ESD: variants seen among roughly 807,000 people sequenced by gnomAD.
The protein encoded by ESD is S-formylglutathione hydrolase.
A neutral mutation model predicts 38.1 loss-of-function variants in ESD; 34 were observed. That is an observed-to-expected ratio of 0.89 (90% CI 0.68 to 1.19). The LOEUF is 1.19. Ranked by LOEUF, ESD falls within the 50% of genes most tolerant of loss-of-function variation. The probability of loss-of-function intolerance (pLI) is 0.00; values close to 1 mark genes in which losing one functional copy is unlikely to be tolerated. For missense variants in ESD, 334 were observed against 327.2 expected (o/e 1.02, Z -0.16); for synonymous variants, 97 against 107.0 (o/e 0.91, Z 0.58).
At chr13:46,773,535 AAATAAAAATAGAGCT>A (rs1055923520) in intron 9 of ESD, among the ~76,000 whole-genome samples, 1 of 152,248 alleles carries the variant, frequency 6.6e-6, no homozygotes, top group Admixed American at 6.5e-5. Flanking sequence ...AGCACCTAAG[AAATAAAAATAGAGCT>A]AATAAAAATA....
At chr13:46,782,180 T>G (rs1267862238) in intron 6 of ESD, among the ~76,000 whole-genome samples, 1 of 151,096 alleles carries the variant, frequency 6.6e-6, no homozygotes, top group Non-Finnish European at 1.5e-5. Context: ...TACCAAAACA[T>G]AAGTGTTTTG....
At chr13:46,782,943 A>G in intron 5 of ESD, 152 bp from the exon 6 acceptor site, 1 of 964,432 alleles carries the variant, frequency 1.0e-6, no homozygotes, top group Non-Finnish European at 1.5e-6. Flanking sequence ...TGATAGGATT[A>G]TACTTCCTGC....
chr13:46,794,244 T>C (rs1410415260), intron 1 of ESD, among the ~76,000 whole-genome samples: 3 of 152,202 alleles, frequency 2.0e-5, no homozygotes, highest in Non-Finnish European at 4.4e-5. Flanking sequence ...TCCCAAATGT[T>C]AGTGAACATC....
At chr13:46,787,273 T>C (rs915533217) in intron 3 of ESD, among the ~76,000 whole-genome samples, 164 bp from the exon 4 acceptor site, 11 of 151,984 alleles carry the variant, frequency 7.2e-5, no homozygotes, top group African/African-American at 1.2e-4. Context: ...ACGAATATAC[T>C]TGTCCCTTAA....
chr13:46,775,369 G>A (rs1874756125), intron 9 of ESD: 1 of 199,656 alleles, frequency 5.0e-6, no homozygotes, highest in Admixed American at 5.5e-5. Flanking sequence ...ATGAAGTTGA[G>A]TAAATCATGT....
Position 46,787,022 on chromosome 13 carries a change from T to C in ESD, c.156A>G (p.Ser52=), listed in dbSNP as rs1482096217. Residue 52 remains serine, a splice_region_variant and synonymous_variant, in exon 4 of 10, where the codon TCA becomes TCG. Transcript: ENST00000378720. ...TGKCPALYWL[S]GLTCTEQNFI... Reference sequence around the variant, plus strand: ...AAAACTCAAATGCATAATACTTACCTGAGAGCCAATACAGTGCAGGGCACT... The same window carrying C: ...AAAACTCAAATGCATAATACTTACCCGAGAGCCAATACAGTGCAGGGCACT... 5 of 1,500,152 alleles carry C rather than the reference T, an allele frequency of 3.3e-6. No individual in the cohort carries two copies. The highest frequency in any genetic ancestry group is 4.5e-6 in the Non-Finnish European group (5 of 1,112,920). The allele number at this position is 1,500,152 out of a possible 1,614,324, so 92.9% of individuals were successfully genotyped here. A position where few individuals can be genotyped will look rare whatever the true frequency, so the allele number is the denominator to read the frequency against.
chr13:46,797,242 G>A (rs1875624733), upstream of ESD: 1 of 152,398 alleles, frequency 6.6e-6, no homozygotes, highest in Non-Finnish European at 1.5e-5. Flanking sequence ...TTAACTCCGA[G>A]AACCCGCTCT....
intron 9 of ESD, among the ~76,000 whole-genome samples, chr13:46,773,059 G>A (rs1874667836): frequency 6.6e-6 from 1 of 152,092 alleles, no homozygotes; most frequent in South Asian, 2.1e-4. Context: ...CCCTGCAAAG[G>A]ACATGATCTC....
chr13:46,772,895 A>C (rs533550319), intron 9 of ESD, among the ~76,000 whole-genome samples: 2 of 152,184 alleles, frequency 1.3e-5, no homozygotes, highest in Non-Finnish European at 2.9e-5. Flanking sequence ...CATGTTAGCC[A>C]GGATGGTCTC....
chr13:46,794,096 T>G (rs951723263), intron 1 of ESD, among the ~76,000 whole-genome samples: 1 of 151,708 alleles, frequency 6.6e-6, no homozygotes, highest in African/African-American at 2.4e-5. Context: ...GTGGGAGAAA[T>G]AGGGTGACAG....
chr13:46,791,464 ACTG>A, intron 2 of ESD, 44 bp from the exon 3 acceptor site: 1 of 1,453,550 alleles, frequency 6.9e-7, no homozygotes, highest in East Asian at 2.3e-5. Flanking sequence ...AGAATTAGTT[ACTG>A]AAAAACTTGA....
intron 9 of ESD, 57 bp from the exon 10 acceptor site, chr13:46,771,553 G>A: frequency 9.1e-7 from 1 of 1,103,020 alleles, no homozygotes; most frequent in East Asian, 2.4e-5. Context: ...ATCAGTATTA[G>A]GAACATTAAA....
chr13:46,788,686 A>C (rs937021381), intron 3 of ESD, among the ~76,000 whole-genome samples: 1 of 151,776 alleles, frequency 6.6e-6, no homozygotes, highest in Non-Finnish European at 1.5e-5. Context: ...AAAAAAAAAA[A>C]AAAAACACAA....
Position 46,786,633 on chromosome 13 carries a change from T to A in ESD, c.157+388A>T, listed in dbSNP as rs1593409159. Among the ~76,000 whole-genome samples the A allele has an allele frequency of 3.3e-5, 5 of 152,124 alleles. No homozygotes were observed. In the South Asian group the frequency reaches 1.0e-3, roughly 32 times the overall value. On this transcript the variant is annotated intron_variant, in intron 4 of 9. Transcript: ENST00000378720. ...GAACACTGTAAGTTATTTGACTTTT[T>A]ACAATAGCTGGTTTCTAATTAGAGT...
chr13:46,778,304 C>T (rs946647788), intron 8 of ESD, among the ~76,000 whole-genome samples: 1 of 151,800 alleles, frequency 6.6e-6, no homozygotes, highest in African/African-American at 2.4e-5. Context: ...CAACTTTATA[C>T]ATTGACCAAG....
rs1052195685 is a variant in ESD, at chr13:46,785,143, G to A, written c.158-793C>T. Among the ~76,000 whole-genome samples the A allele has an allele frequency of 5.4e-4, 82 of 151,854 alleles. 1 individual carries two copies. Among genetic ancestry groups the A allele is most frequent in the Non-Finnish European group, 1.0e-4 (7 of 67,896 alleles). The stretch of plus-strand genomic sequence containing the variant: ...TATGCCATCCTTAAATTGAGTTTTA[G>A]CCTCAGTTTTTAGAAGTTTCTGTTA... On this transcript the variant is annotated intron_variant, in intron 4 of 9. Coordinates refer to ENST00000378720, the MANE Select transcript of ESD (RefSeq NM_001984.2).
chr13:46,774,619 C>A (rs770023443), intron 9 of ESD, among the ~76,000 whole-genome samples: 4 of 152,156 alleles, frequency 2.6e-5, no homozygotes, highest in Non-Finnish European at 5.9e-5. Context: ...GAACACCTTT[C>A]ATTCTTTCAT....
At chr13:46,781,461 G>T in intron 7 of ESD, 35 bp downstream of exon 7, 1 of 1,529,806 alleles carries the variant, frequency 6.5e-7, no homozygotes, top group Non-Finnish European at 8.9e-7. Context: ...TTATTCAAGA[G>T]AAATATTTAT....
chr13:46,790,759 T>A (rs1483633715), intron 3 of ESD: 1 of 152,236 alleles, frequency 6.6e-6, no homozygotes, highest in Admixed American at 6.5e-5. Context: ...TGGCTTTAAA[T>A]AAATTGTGTC....
Sources: gnomAD v4.1 joint callset for allele counts (sites outside exome capture counted in the v4.1 genomes callset) on GRCh38, gnomAD v4.1.1 for gene constraint, MANE v1.5 for transcripts, NCBI Gene and HGNC (gene_info 2026-07-23, HGNC 2026-07-21) for gene names.